The following CHODL variants were observed in gnomAD, a reference collection of about 807,000 sequenced individuals.
CHODL encodes the protein chondrolectin, also known as transmembrane protein MT75.
A neutral mutation model predicts 34.5 loss-of-function variants in CHODL; 29 were observed. The observed-to-expected ratio is 0.84, with a 90% CI of 0.63 to 1.15. The LOEUF (loss-of-function observed/expected upper bound fraction) is 1.15, where lower values mean the gene tolerates loss of function less well. CHODL is among the 50% of genes most tolerant of loss of function. CHODL has a pLI of 0.00. For missense variants in CHODL, 332 were observed against 332.5 expected, an observed-to-expected ratio of 1.00 and a Z score of 0.01; for synonymous variants, 125 against 116.1, an observed-to-expected ratio of 1.08 and a Z score of -0.49.
At chr21:18,265,213 G>A (rs138826954) in intron 5 of CHODL, among the ~76,000 whole-genome samples, 16,804 of 145,134 alleles carry the variant, frequency 0.12, 1,430 homozygotes, top group African/African-American at 0.25. Context: ...ACACATATAT[G>A]TATGTGTATA....
At chr21:17,966,909 C>T (rs1449309121) in intron 1 of CHODL, among the ~76,000 whole-genome samples, 1 of 147,140 alleles carries the variant, frequency 6.8e-6, no homozygotes, top group Non-Finnish European at 1.5e-5. Flanking sequence ...TTTTTTGAGA[C>T]GAGTCTTGCT....
chr21:18,222,540 T>C (rs73893031), intron 2 of CHODL, among the ~76,000 whole-genome samples: 3,078 of 152,170 alleles, frequency 0.02, 100 homozygotes, highest in African/African-American at 0.068. Flanking sequence ...AGGGGCTTTT[T>C]TTGTGGCTTG....
At chr21:17,976,009 A>G (rs2063658918) in intron 1 of CHODL, among the ~76,000 whole-genome samples, 1 of 152,180 alleles carries the variant, frequency 6.6e-6, no homozygotes, top group Non-Finnish European at 1.5e-5. Flanking sequence ...GCTATATTTT[A>G]TCACCTTAAG....
At chr21:18,041,107 T>G (rs946346782) in intron 2 of CHODL, among the ~76,000 whole-genome samples, 2 of 151,944 alleles carry the variant, frequency 1.3e-5, no homozygotes, top group African/African-American at 4.8e-5. Context: ...TATGATGATT[T>G]CTGTAAGCTG....
chr21:17,944,583 G>A (rs549903336), intron 1 of CHODL, among the ~76,000 whole-genome samples: 3 of 152,130 alleles, frequency 2.0e-5, no homozygotes, highest in Admixed American at 6.6e-5. Context: ...GGCCCAACCT[G>A]CAGCCATGCC....
rs145097724 is a variant in CHODL, at chr21:18,082,666, C to A, written c.-45+54695C>A. 1.2e-3 allele frequency among the ~76,000 whole-genome samples: 177 copies of A among 152,262 alleles called. 2 individuals are homozygous for A. The highest frequency in any genetic ancestry group is 2.1e-3 in the Non-Finnish European group (141 of 68,016). ...TGTAGTAAAGGTCACTCTTGCTATG[C>A]TTTAGCAAAGAGACTGGTGGCATTT... is the stretch of plus-strand genomic sequence containing the variant. On this transcript the variant is annotated intron_variant, in intron 2 of 6. Coordinates refer to the CHODL transcript ENST00000400127.
intron 2 of CHODL, among the ~76,000 whole-genome samples, chr21:18,115,598 T>C (rs2065402661): frequency 6.6e-6 from 1 of 152,234 alleles, no homozygotes; most frequent in Non-Finnish European, 1.5e-5. Flanking sequence ...TTTTAATCCC[T>C]GATTCACCTT....
rs1026208377 is a variant in CHODL, at chr21:17,961,664, A to T, written c.-145+44264A>T. On this transcript the variant is annotated intron_variant, in intron 1 of 6. Transcript: ENST00000400127. ...TGAATGGTGATTGTTAATCCTTAAG[A>T]GCCATCTCCAGTGAGCAGGCTGCAA... Among the ~76,000 whole-genome samples, 5 of 152,330 alleles carry T rather than the reference A, an allele frequency of 3.3e-5. No homozygotes were observed. In the East Asian group the frequency reaches 9.7e-4, roughly 29 times the overall value.
chr21:18,246,659 T>C (rs934172360), intron 1 of CHODL, among the ~76,000 whole-genome samples: 8 of 152,350 alleles, frequency 5.3e-5, no homozygotes, highest in Non-Finnish European at 1.0e-4. Flanking sequence ...GAATTATTCA[T>C]GCAACTGAAT....
intron 1 of CHODL, among the ~76,000 whole-genome samples, chr21:17,949,638 C>G (rs1021616885): frequency 6.6e-6 from 1 of 152,162 alleles, no homozygotes; most frequent in African/African-American, 2.4e-5. Flanking sequence ...ATGCTCAGTA[C>G]TGACCTATCT....
intron 1 of CHODL, among the ~76,000 whole-genome samples, chr21:17,937,302 C>T (rs554089499): frequency 6.6e-6 from 1 of 152,062 alleles, no homozygotes; most frequent in South Asian, 2.1e-4. Flanking sequence ...AGGAGAATAC[C>T]TGGTTGTGAT....
At chr21:18,252,621 T>G (rs1460582888) in intron 1 of CHODL, among the ~76,000 whole-genome samples, 2 of 152,078 alleles carry the variant, frequency 1.3e-5, no homozygotes, top group East Asian at 3.9e-4. Context: ...AAAATAGAAT[T>G]GAATGTAAAG....
chr21:18,238,639 G>A (rs2074052454), intron 2 of CHODL, among the ~76,000 whole-genome samples: 1 of 152,168 alleles, frequency 6.6e-6, no homozygotes, highest in East Asian at 1.9e-4. Context: ...TGGTGGAATT[G>A]ATTAGAGTAT....
intron 2 of CHODL, among the ~76,000 whole-genome samples, chr21:18,202,740 A>C (rs2073668606): frequency 6.6e-6 from 1 of 152,182 alleles, no homozygotes; most frequent in African/African-American, 2.4e-5. Context: ...ATTTTATATA[A>C]ATTTCACTTT....
chr21:18,025,573 C>G (rs1468675621), intron 1 of CHODL, among the ~76,000 whole-genome samples: 2 of 152,044 alleles, frequency 1.3e-5, no homozygotes, highest in Non-Finnish European at 2.9e-5. Flanking sequence ...TCTTAATTTT[C>G]AAGATATGAC....
chr21:18,158,763 G>A (rs970275261), intron 2 of CHODL, among the ~76,000 whole-genome samples: 16 of 151,520 alleles, frequency 1.1e-4, no homozygotes, highest in African/African-American at 3.2e-4. Flanking sequence ...GCTTGAACCC[G>A]GGAGGCGGAA....
intron 2 of CHODL, among the ~76,000 whole-genome samples, chr21:18,071,641 T>G (rs938510765): frequency 6.6e-6 from 1 of 152,186 alleles, no homozygotes; most frequent in Non-Finnish European, 1.5e-5. Flanking sequence ...TCAATAGTAC[T>G]TAGAATTTCC....
At chr21:18,157,147 G>C (rs1041124152) in intron 2 of CHODL, among the ~76,000 whole-genome samples, 1 of 152,216 alleles carries the variant, frequency 6.6e-6, no homozygotes, top group Non-Finnish European at 1.5e-5. Flanking sequence ...CACAGGGACT[G>C]TGTTCATATA....
intron 2 of CHODL, among the ~76,000 whole-genome samples, chr21:18,114,037 G>T (rs926550922): frequency 6.6e-6 from 1 of 152,138 alleles, no homozygotes; most frequent in Non-Finnish European, 1.5e-5. Context: ...AATAAGCCAG[G>T]CAGAGAAATA....
Sources: allele counts gnomAD v4.1 joint callset (sites outside exome capture counted in the v4.1 genomes callset), GRCh38; gene constraint gnomAD v4.1.1; transcripts MANE v1.5; gene names NCBI Gene and HGNC (gene_info 2026-07-23, HGNC 2026-07-21).